CDC14B: variants seen among roughly 807,000 people sequenced by gnomAD.
CDC14B encodes dual specificity protein phosphatase CDC14B.
CDC14B carries 22 observed loss-of-function variants against 64.2 expected under a neutral mutation model. That is an observed-to-expected ratio of 0.34 (90% CI 0.24 to 0.49). The LOEUF (loss-of-function observed/expected upper bound fraction) is 0.49. Among genes scored for constraint, CDC14B ranks in the 20% least tolerant of loss-of-function variants. The pLI, the probability that CDC14B is intolerant of heterozygous loss-of-function variation, is 0.99. For synonymous variants in CDC14B, 191 were observed against 215.8 expected (o/e 0.89, Z 1.01); for missense variants, 498 against 629.9 (o/e 0.79, Z 2.24).
At chr9:96,603,027 C>T (rs1234216760) in intron 1 of CDC14B, among the ~76,000 whole-genome samples, 2 of 152,046 alleles carry the variant, frequency 1.3e-5, no homozygotes, top group African/African-American at 4.8e-5. Flanking sequence ...AGAAGCTTAA[C>T]CATCCGTTAA....
intron 1 of CDC14B, chr9:96,566,864 G>A (rs761805824): frequency 8.9e-6 from 14 of 1,579,062 alleles, no homozygotes; most frequent in South Asian, 6.9e-5. Context: ...ACTGCCAGCC[G>A]CCGAGAGGGG....
intron 7 of CDC14B, 83 bp downstream of exon 7, chr9:96,538,995 A>C (rs1587873372): frequency 1.2e-6 from 1 of 857,100 alleles, no homozygotes; most frequent in Admixed American, 2.0e-5. Context: ...TTAAGTATAT[A>C]TAAGTTTTAT....
chr9:96,584,299 T>A (rs1845340631), intron 1 of CDC14B, among the ~76,000 whole-genome samples: 1 of 152,132 alleles, frequency 6.6e-6, no homozygotes, highest in Non-Finnish European at 1.5e-5. Flanking sequence ...CTCAAGTCTT[T>A]TTGGTTGTGA....
chr9:96,560,835 A>C (rs1329596182), intron 4 of CDC14B, among the ~76,000 whole-genome samples: 2 of 151,620 alleles, frequency 1.3e-5, no homozygotes, highest in Non-Finnish European at 2.9e-5. Flanking sequence ...GAAAACACCA[A>C]TACGTCTGGG....
Position 96,534,446 on chromosome 9 carries a change from T to G in CDC14B, c.715+9A>C. On this transcript the variant is annotated intron_variant, in intron 8 of 13. Transcript: ENST00000375241. Reference sequence around the variant, plus strand: ...AACAAAATGAGATTAATGCCATAATTTCACATACCACTTTCAAGTCTGGCT... The same window carrying G: ...AACAAAATGAGATTAATGCCATAATGTCACATACCACTTTCAAGTCTGGCT... 3 of 1,570,526 alleles carry G rather than the reference T, an allele frequency of 1.9e-6. No homozygotes were observed. Among genetic ancestry groups the G allele is most frequent in the Non-Finnish European group, 2.6e-6 (3 of 1,140,550 alleles).
At chr9:96,589,200 G>A (rs994472547) in intron 1 of CDC14B, among the ~76,000 whole-genome samples, 16 of 151,976 alleles carry the variant, frequency 1.1e-4, no homozygotes, top group Admixed American at 3.9e-4. Flanking sequence ...TTAGCTGGGC[G>A]TGGTGGCATG....
intron 1 of CDC14B, among the ~76,000 whole-genome samples, chr9:96,574,570 A>T (rs754509694): frequency 1.3e-5 from 2 of 152,018 alleles, no homozygotes; most frequent in African/African-American, 2.4e-5. Context: ...AAAGACCCAA[A>T]CTGTAAAGCA....
At chr9:96,588,431 G>A (rs1845579912) in intron 1 of CDC14B, among the ~76,000 whole-genome samples, 1 of 152,150 alleles carries the variant, frequency 6.6e-6, no homozygotes, top group South Asian at 2.1e-4. Flanking sequence ...TTCCCAAATT[G>A]ACATTAAAAT....
chr9:96,619,101 G>A (rs1246835899), intron 1 of CDC14B, 118 bp downstream of exon 1: 1 of 747,452 alleles, frequency 1.3e-6, no homozygotes. Flanking sequence ...AAGGGGGTGG[G>A]GGCGAAGGCA....
intron 1 of CDC14B, among the ~76,000 whole-genome samples, chr9:96,594,749 G>C (rs1184719951): frequency 6.8e-6 from 1 of 146,886 alleles, no homozygotes; most frequent in Non-Finnish European, 1.5e-5. Context: ...GCCCAGGAGA[G>C]AACCATCTGA....
chr9:96,570,793 A>G (rs1361524247), intron 1 of CDC14B, among the ~76,000 whole-genome samples: 1 of 152,214 alleles, frequency 6.6e-6, no homozygotes. Flanking sequence ...ACCAGGGTCA[A>G]CTAGCTCTAA....
intron 1 of CDC14B, among the ~76,000 whole-genome samples, chr9:96,607,398 G>T (rs1468563685): frequency 1.4e-5 from 2 of 144,286 alleles, no homozygotes; most frequent in Non-Finnish European, 3.0e-5. Flanking sequence ...ATTCACTTCA[G>T]GTTAAACGTG....
intron 4 of CDC14B, among the ~76,000 whole-genome samples, chr9:96,557,023 G>A (rs1587955536): frequency 6.6e-6 from 1 of 152,198 alleles, no homozygotes. Flanking sequence ...AAAGCTTAAC[G>A]GATCTGCAGT....
chr9:96,531,907 TA>T (rs1192500649), intron 9 of CDC14B, among the ~76,000 whole-genome samples: 1 of 152,126 alleles, frequency 6.6e-6, no homozygotes, highest in Non-Finnish European at 1.5e-5. Context: ...CATTTCAACC[TA>T]AAAGACTCCC....
At chr9:96,504,398 GCAAA>G (rs1833854105) in intron 13 of CDC14B, among the ~76,000 whole-genome samples, 1 of 152,094 alleles carries the variant, frequency 6.6e-6, no homozygotes, top group Admixed American at 6.5e-5. Flanking sequence ...CTTTCAGAAA[GCAAA>G]CAAAACCAAA....
At chr9:96,506,098 A>G (rs1201078634) in intron 13 of CDC14B, among the ~76,000 whole-genome samples, 2 of 152,222 alleles carry the variant, frequency 1.3e-5, no homozygotes, top group African/African-American at 4.8e-5. Flanking sequence ...TCAAGTTCCC[A>G]TGTGCCGCAG....
chr9:96,521,128 G>A (rs978508504), intron 12 of CDC14B, among the ~76,000 whole-genome samples: 2 of 152,156 alleles, frequency 1.3e-5, no homozygotes, highest in Non-Finnish European at 2.9e-5. Flanking sequence ...GGAGTGCAAT[G>A]GCACGATCTC....
At chr9:96,504,531 G>C (rs1437238196) in intron 13 of CDC14B, among the ~76,000 whole-genome samples, 1 of 152,224 alleles carries the variant, frequency 6.6e-6, no homozygotes, top group Admixed American at 6.5e-5. Flanking sequence ...TCCCAACAGA[G>C]CACTGAGTCA....
intron 6 of CDC14B, among the ~76,000 whole-genome samples, chr9:96,539,724 T>C (rs766151152): frequency 6.6e-6 from 1 of 152,224 alleles, no homozygotes; most frequent in South Asian, 2.1e-4. Context: ...ATTCTTTCCA[T>C]AGGAATAAAA....
Sources: gnomAD v4.1 joint callset for allele counts (sites outside exome capture counted in the v4.1 genomes callset) on GRCh38, gnomAD v4.1.1 for gene constraint, MANE v1.5 for transcripts, NCBI Gene and HGNC (gene_info 2026-07-23, HGNC 2026-07-21) for gene names.